Variants in IPP observed in about 807,000 individuals in gnomAD.
IPP encodes the protein actin-binding protein IPP.
Under a neutral mutation model 64.1 loss-of-function variants are expected in IPP, and 41 were observed. The observed-to-expected ratio is 0.64, with a 90% CI of 0.50 to 0.83. IPP has a LOEUF of 0.83. Among genes scored for constraint, IPP ranks in the 40% least tolerant of loss-of-function variants. IPP has a pLI of 0.00. For missense variants in IPP, 649 were observed against 703.0 expected (o/e 0.92, Z 0.87); for synonymous variants, 214 against 235.2 (o/e 0.91, Z 0.83).
chr1:45,714,813 G>A (rs536221674), intron 7 of IPP, among the ~76,000 whole-genome samples: 53 of 148,532 alleles, frequency 3.6e-4, no homozygotes, highest in African/African-American at 1.2e-3. Context: ...CCCTAAAAAT[G>A]TCATGCACTT....
chr1:45,748,148 T>C (rs758566700), intron 1 of IPP, among the ~76,000 whole-genome samples: 19 of 152,170 alleles, frequency 1.2e-4, no homozygotes, highest in Non-Finnish European at 2.2e-4. Context: ...AATATCAACA[T>C]ATTACATATA....
chr1:45,720,501 C>T, intron 5 of IPP, among the ~76,000 whole-genome samples: 1 of 152,000 alleles, frequency 6.6e-6, no homozygotes, highest in Non-Finnish European at 1.5e-5. Flanking sequence ...CAAAAAAATC[C>T]ATTTTTTAAT....
chr1:45,714,826 G>A (rs1645636556), intron 7 of IPP, among the ~76,000 whole-genome samples: 1 of 152,070 alleles, frequency 6.6e-6, no homozygotes, highest in Non-Finnish European at 1.5e-5. Context: ...ATGCACTTAA[G>A]CTGGGAATTA....
chr1:45,710,377 G>A (rs1295646505), intron 8 of IPP, among the ~76,000 whole-genome samples: 2 of 116,582 alleles, frequency 1.7e-5, no homozygotes, highest in Non-Finnish European at 3.8e-5. Flanking sequence ...GGTGGCTCAC[G>A]CCTGTAATCC....
chr1:45,746,436 A>G lies in IPP; in HGVS notation c.-25T>C. 6.3e-7 allele frequency: 1 copy of G among 1,576,334 alleles called. No individual in the cohort carries two copies. Among genetic ancestry groups the G allele is most frequent in the Non-Finnish European group, 8.7e-7 (1 of 1,152,792 alleles). ...TGATGACGGTAGATTAATTAAAAGG[A>G]CTGTTGCCCATAATCTGTTACTACC... On this transcript the variant is annotated 5_prime_UTR_variant, in exon 2 of 9. Coordinates refer to ENST00000396478, the MANE Select transcript of IPP (RefSeq NM_005897.3).
intron 1 of IPP, among the ~76,000 whole-genome samples, chr1:45,748,243 CAA>C (rs778704181): frequency 5.3e-5 from 8 of 152,096 alleles, no homozygotes; most frequent in Non-Finnish European, 1.0e-4. Context: ...ATACATGTAT[CAA>C]AATATCACAC....
At chr1:45,749,252 A>T (rs1032298077) in intron 1 of IPP, among the ~76,000 whole-genome samples, 1 of 152,174 alleles carries the variant, frequency 6.6e-6, no homozygotes, top group Non-Finnish European at 1.5e-5. Context: ...CAGAAATACT[A>T]GTCTGTTACC....
At chr1:45,748,665 G>C (rs1019889900) in intron 1 of IPP, among the ~76,000 whole-genome samples, 1 of 151,928 alleles carries the variant, frequency 6.6e-6, no homozygotes, top group Non-Finnish European at 1.5e-5. Flanking sequence ...GAGCAAGACC[G>C]TGTCTCAACA....
intron 8 of IPP, among the ~76,000 whole-genome samples, chr1:45,706,524 A>G (rs1164975457): frequency 3.3e-5 from 5 of 152,070 alleles, no homozygotes; most frequent in Non-Finnish European, 5.9e-5. Context: ...ATCCCAGCTC[A>G]CTGCAACCTC....
intron 7 of IPP, among the ~76,000 whole-genome samples, chr1:45,715,958 A>T (rs941181274): frequency 4.6e-5 from 7 of 152,206 alleles, no homozygotes; most frequent in African/African-American, 1.7e-4. Flanking sequence ...AGCAGAAAGA[A>T]CTTTAGCAGG....
chr1:45,719,881 G>A (rs889926241), intron 5 of IPP, among the ~76,000 whole-genome samples: 5 of 150,888 alleles, frequency 3.3e-5, no homozygotes, highest in African/African-American at 1.2e-4. Context: ...GCCTGCCACC[G>A]CGCCCAGGTA....
intron 2 of IPP, among the ~76,000 whole-genome samples, chr1:45,744,655 A>G (rs370122612): frequency 1.1e-4 from 16 of 152,154 alleles, no homozygotes; most frequent in Admixed American, 5.9e-4. Flanking sequence ...CCTGGCCAAC[A>G]TGGTGAAACC....
chr1:45,722,728 G>A (rs2148563503), intron 5 of IPP, among the ~76,000 whole-genome samples: 2 of 152,110 alleles, frequency 1.3e-5, no homozygotes, highest in African/African-American at 4.8e-5. Context: ...ACTTTTACTT[G>A]AATATTAAGT....
chr1:45,716,095 T>G (rs1284084483), intron 7 of IPP, among the ~76,000 whole-genome samples: 1 of 152,184 alleles, frequency 6.6e-6, no homozygotes. Context: ...CTCAAGAGTA[T>G]AGTAGACAAT....
chr1:45,733,318 C>G lies in IPP; in HGVS notation c.725-3549G>C, dbSNP rs76744631. Among the ~76,000 whole-genome samples the G allele has an allele frequency of 5.5e-4, 84 of 151,610 alleles. No individual in the cohort carries two copies. In the East Asian group the frequency reaches 0.013, roughly 24 times the overall value. On this transcript the variant is annotated intron_variant, in intron 3 of 8. Coordinates refer to ENST00000396478, the MANE Select transcript of IPP (RefSeq NM_005897.3). The stretch of plus-strand genomic sequence containing the variant: ...TGCACGCCTGTAGTCCCCAGCTACT[C>G]AGAAGGCTGAGGCAGAAGAATTGCT...
chr1:45,721,667 C>A (rs1003389821), intron 5 of IPP, among the ~76,000 whole-genome samples: 1 of 152,214 alleles, frequency 6.6e-6, no homozygotes, highest in Non-Finnish European at 1.5e-5. Flanking sequence ...TTTAGCAAAT[C>A]ACTAAAACTG....
At chr1:45,748,398 T>TGGCTCA (rs1646169705) in intron 1 of IPP, among the ~76,000 whole-genome samples, 1 of 152,216 alleles carries the variant, frequency 6.6e-6, no homozygotes, top group African/African-American at 2.4e-5. Flanking sequence ...CTGGGCACAG[T>TGGCTCA]GGCTCATACC....
At chr1:45,725,335 G>A (rs1181018453) in intron 5 of IPP, among the ~76,000 whole-genome samples, 22 of 146,178 alleles carry the variant, frequency 1.5e-4, no homozygotes, top group African/African-American at 5.3e-4. Context: ...CCGGGAGGGA[G>A]GTGGGGGTGT....
rs747453496 is a variant in IPP, at chr1:45,741,261, C to T, written c.364G>A (p.Val122Ile). 5.6e-6 allele frequency: 9 copies of T among 1,614,042 alleles called. No homozygotes were observed. In the South Asian group the frequency reaches 8.8e-5, roughly 16 times the overall value. Residue 122 changes from valine to isoleucine, a missense_variant, in exon 3 of 9, where the codon GTT becomes ATT. Val to Ile is a conservative substitution (Grantham distance 29). Coordinates refer to ENST00000396478, the MANE Select transcript of IPP (RefSeq NM_005897.3). ...IAADMLQLTE[V>I]VHLCCEFLKG... Reference sequence around the variant, plus strand: ...AGAAATTCACAGCAAAGATGAACAACTTCAGTCAACTGTAGCATGTCTGCT... The same window carrying T: ...AGAAATTCACAGCAAAGATGAACAATTTCAGTCAACTGTAGCATGTCTGCT...
Sources: gnomAD v4.1 joint callset for allele counts (sites outside exome capture counted in the v4.1 genomes callset) on GRCh38, gnomAD v4.1.1 for gene constraint, MANE v1.5 for transcripts, NCBI Gene and HGNC (gene_info 2026-07-23, HGNC 2026-07-21) for gene names.